ADARB2: variants seen among roughly 807,000 people sequenced by gnomAD.
ADARB2 encodes the protein inactive double-stranded RNA-specific editase B2.
In ADARB2, 25 loss-of-function variants were observed where a neutral mutation model predicts 62.2. The observed-to-expected ratio is 0.40, with a 90% confidence interval of 0.29 to 0.56. The LOEUF is 0.56. ADARB2 is among the 20% of genes least tolerant of loss of function. The probability of loss-of-function intolerance (pLI) is 0.43; values close to 1 mark genes in which losing one functional copy is unlikely to be tolerated. For missense variants in ADARB2, 1,071 were observed against 1,077.4 expected (o/e 0.99, Z 0.08); for synonymous variants, 572 against 500.8 (o/e 1.14, Z -1.90).
chr10:1,553,243 C>A (rs1832653957), intron 1 of ADARB2, among the ~76,000 whole-genome samples: 1 of 152,238 alleles, frequency 6.6e-6, no homozygotes, highest in African/African-American at 2.4e-5. Context: ...CATAAATTGA[C>A]ATCTGTAAGT....
intron 3 of ADARB2, among the ~76,000 whole-genome samples, chr10:1,326,825 C>CCAGCGCCTCCCCACTGCA (rs1831855610): frequency 1.9e-5 from 1 of 51,844 alleles, no homozygotes; most frequent in Admixed American, 2.1e-4. Context: ...TCCCCACGGC[C>CCAGCGCCTCCCCACTGCA]CAGCGCCTCC....
At chr10:1,635,122 C>T (rs1833903698) in intron 1 of ADARB2, among the ~76,000 whole-genome samples, 1 of 152,122 alleles carries the variant, frequency 6.6e-6, no homozygotes, top group Admixed American at 6.5e-5. Context: ...TTTTACAATT[C>T]CAAATGTATC....
At chr10:1,598,142 A>G (rs1268138567) in intron 1 of ADARB2, among the ~76,000 whole-genome samples, 1 of 152,210 alleles carries the variant, frequency 6.6e-6, no homozygotes, top group Non-Finnish European at 1.5e-5. Context: ...AGGTGGGGGC[A>G]TGAGCTGAAA....
intron 1 of ADARB2, among the ~76,000 whole-genome samples, chr10:1,647,804 GTGTGTGTGTATGCA>G (rs1834064186): frequency 2.3e-5 from 2 of 87,156 alleles, no homozygotes; most frequent in South Asian, 8.1e-4. Flanking sequence ...ATGTGTATAT[GTGTGTGTGTATGCA>G]TGTGTGTATA....
At chr10:1,606,710 G>A (rs1047106160) in intron 1 of ADARB2, among the ~76,000 whole-genome samples, 4 of 152,122 alleles carry the variant, frequency 2.6e-5, no homozygotes, top group Admixed American at 6.5e-5. Flanking sequence ...TGTGGGTTGG[G>A]GCACTTGGAG....
At chr10:1,686,752 T>C (rs1834601333) in intron 1 of ADARB2, among the ~76,000 whole-genome samples, 1 of 152,200 alleles carries the variant, frequency 6.6e-6, no homozygotes, top group Admixed American at 6.5e-5. Context: ...AAGAATAATA[T>C]GATATCACTT....
At chr10:1,642,418 AC>A (rs1306385473) in intron 1 of ADARB2, among the ~76,000 whole-genome samples, 1 of 152,188 alleles carries the variant, frequency 6.6e-6, no homozygotes, top group Non-Finnish European at 1.5e-5. Flanking sequence ...GTATTAGTAA[AC>A]ATCGTCAACA....
intron 1 of ADARB2, among the ~76,000 whole-genome samples, chr10:1,405,308 C>T (rs1467861293): frequency 1.3e-5 from 2 of 152,208 alleles, no homozygotes; most frequent in South Asian, 2.1e-4. Context: ...GAGCTACCTA[C>T]AATTACTCTC....
At chr10:1,545,502 C>T (rs988039240) in intron 1 of ADARB2, among the ~76,000 whole-genome samples, 5 of 152,120 alleles carry the variant, frequency 3.3e-5, no homozygotes, top group African/African-American at 9.7e-5. Context: ...AGTGAGCTCC[C>T]GCGGGCAGTG....
chr10:1,450,365 T>C (rs922007764), intron 1 of ADARB2, among the ~76,000 whole-genome samples: 17 of 152,374 alleles, frequency 1.1e-4, no homozygotes, highest in Non-Finnish European at 2.1e-4. Flanking sequence ...GCTTTTTCTT[T>C]AGCCGCTGTG....
intron 3 of ADARB2, among the ~76,000 whole-genome samples, chr10:1,335,764 C>G (rs556216061): frequency 6.6e-6 from 1 of 152,286 alleles, no homozygotes; most frequent in Middle Eastern, 3.4e-3. Flanking sequence ...ATTTCAAAAG[C>G]CATCAAAGCA....
chr10:1,414,500 G>T (rs1053186253), intron 1 of ADARB2, among the ~76,000 whole-genome samples: 1 of 152,142 alleles, frequency 6.6e-6, no homozygotes, highest in African/African-American at 2.4e-5. Context: ...TCCCAGGATC[G>T]ATTATATCTT....
At chr10:1,194,933 A>G (rs1836889419) in intron 8 of ADARB2, among the ~76,000 whole-genome samples, 1 of 152,088 alleles carries the variant, frequency 6.6e-6, no homozygotes, top group African/African-American at 2.4e-5. Flanking sequence ...GTGTGTGGCA[A>G]TATTCTATTT....
At chr10:1,629,671 C>T (rs993856501) in intron 1 of ADARB2, among the ~76,000 whole-genome samples, 9 of 151,928 alleles carry the variant, frequency 5.9e-5, no homozygotes, top group South Asian at 2.1e-4. Context: ...AGCTCACCCC[C>T]GGCCCTTCAC....
Position 1,606,239 on chromosome 10 carries a change from G to C in ADARB2, c.100+130812C>G, listed in dbSNP as rs76502290. On this transcript the variant is annotated intron_variant, in intron 1 of 9. Transcript: ENST00000381312. The stretch of plus-strand genomic sequence containing the variant: ...CTACAGTCTTCACCCTATGGCACTA[G>C]TTCTCGAAGTTCTCCTCACATGGGG... Among the ~76,000 whole-genome samples, 1,512 of 152,250 alleles carry C rather than the reference G, an allele frequency of 9.9e-3. 24 individuals carry two copies. Among genetic ancestry groups the C allele is most frequent in the African/African-American group, 0.034 (1,404 of 41,538 alleles).
At chr10:1,614,224 CA>C (rs1195288532) in intron 1 of ADARB2, among the ~76,000 whole-genome samples, 1 of 152,046 alleles carries the variant, frequency 6.6e-6, no homozygotes, top group Non-Finnish European at 1.5e-5. Context: ...TGTTTCAATA[CA>C]AAAGTTAAAA....
intron 1 of ADARB2, among the ~76,000 whole-genome samples, chr10:1,382,484 A>G (rs1465577588): frequency 3.9e-5 from 6 of 152,216 alleles, no homozygotes; most frequent in Admixed American, 3.3e-4. Context: ...GAAGAATTAC[A>G]TTTTTAATAT....
At position 1,216,995 on chromosome 10, in the gene ADARB2, C is replaced by A. The variant is rs142381078; in HGVS notation, c.1638G>T (p.Leu546=). The change falls in exon 7 of 10, where the codon CTG becomes CTT. Residue 546 remains leucine (L), a synonymous_variant. Coordinates refer to ENST00000381312, the MANE Select transcript of ADARB2 (RefSeq NM_018702.4). ...SAVQTWDGVL[L]GEQLITMSCT... ...AGGACATGGTGATCAGCTGCTCCCCCAGCAGGACGCCGTCCCAGGTCTGCA... is the reference window on the plus strand; with the variant it reads ...AGGACATGGTGATCAGCTGCTCCCCAAGCAGGACGCCGTCCCAGGTCTGCA... 8.3e-5 allele frequency: 134 copies of A among 1,610,108 alleles called. No individual in the cohort carries two copies. The African/African-American group carries it at 1.3e-3, about 16-fold the overall frequency.
intron 1 of ADARB2, among the ~76,000 whole-genome samples, chr10:1,550,770 G>A (rs1207235533): frequency 6.6e-6 from 1 of 151,990 alleles, no homozygotes; most frequent in Non-Finnish European, 1.5e-5. Context: ...ACAACCCCGA[G>A]TGCTTAGTCA....
Sources: allele counts gnomAD v4.1 joint callset (sites outside exome capture counted in the v4.1 genomes callset), GRCh38; gene constraint gnomAD v4.1.1; transcripts MANE v1.5; gene names NCBI Gene and HGNC (gene_info 2026-07-23, HGNC 2026-07-21).